Variants in LITAF observed in about 807,000 individuals in gnomAD.
LITAF encodes lipopolysaccharide-induced tumor necrosis factor-alpha factor.
Under a neutral mutation model 14.5 loss-of-function variants are expected in LITAF, and 9 were observed. The ratio of observed to expected loss-of-function variants is 0.62; its 90% CI spans 0.37 to 1.08. The LOEUF is 1.08. Ranked by LOEUF, LITAF falls within the 50% of genes least tolerant of loss-of-function variation. The probability of loss-of-function intolerance (pLI) is 0.01; values close to 1 mark genes in which losing one functional copy is unlikely to be tolerated. For missense variants in LITAF, 206 were observed against 213.4 expected (o/e 0.97, Z 0.22); for synonymous variants, 98 against 88.2 (o/e 1.11, Z -0.62).
chr16:11,567,760 G>A (rs1485377990), intron 1 of LITAF, among the ~76,000 whole-genome samples: 4 of 152,082 alleles, frequency 2.6e-5, no homozygotes, highest in African/African-American at 7.2e-5. Flanking sequence ...CGAGGTGGGC[G>A]GATCACTGGA....
At chr16:11,623,574 C>T (rs567540186) in intron 3 of LITAF, among the ~76,000 whole-genome samples, 24 of 151,938 alleles carry the variant, frequency 1.6e-4, no homozygotes, top group Middle Eastern at 6.8e-3. Flanking sequence ...GCAGGAGAAT[C>T]GCTTGAACCC....
chr16:11,637,255 C>T (rs73513537), upstream of LITAF, among the ~76,000 whole-genome samples: 9,238 of 152,214 alleles, frequency 0.061, 960 homozygotes, highest in African/African-American at 0.21. Context: ...GAAGGGGCCT[C>T]ACAGTAGGTG....
intron 1 of LITAF, among the ~76,000 whole-genome samples, chr16:11,595,537 G>T (rs2064878885): frequency 6.6e-6 from 1 of 152,120 alleles, no homozygotes; most frequent in Non-Finnish European, 1.5e-5. Flanking sequence ...AGACCATCCT[G>T]GCTAACACAG....
In LITAF at chr16:11,553,626, C is replaced by T. The variant is rs927004977; in HGVS notation, c.284G>A (p.Cys95Tyr). 6.2e-7 allele frequency: 1 copy of T among 1,614,156 alleles called. No individual in the cohort carries two copies. The stretch of plus-strand genomic sequence containing the variant: ...GATCATCTTGTTGCAGGAAGGACAA[C>T]ACATTTGGATAGGGCGGTCCAAAAA... ...ITFLDRPIQM[C>Y]CPSCNKMIVS... Residue 95 changes from cysteine to tyrosine, a missense_variant, in exon 3 of 4, where the codon TGT becomes TAT. Cys to Tyr is a radical substitution (Grantham distance 194). Transcript: ENST00000622633. The surrounding 1 kb of genome is among the most constrained non-coding windows in gnomAD (Gnocchi z 7.7).
intron 3 of LITAF, among the ~76,000 whole-genome samples, chr16:11,550,277 T>C (rs985938065): frequency 4.0e-5 from 6 of 151,758 alleles, no homozygotes; most frequent in African/African-American, 1.5e-4. Flanking sequence ...ATTAGGAGAG[T>C]TGGGGTTTCA....
intron 3 of LITAF, among the ~76,000 whole-genome samples, chr16:11,624,389 G>T (rs1221095088): frequency 1.3e-5 from 2 of 152,178 alleles, no homozygotes; most frequent in Non-Finnish European, 2.9e-5. Flanking sequence ...TATGGTTACA[G>T]CAATAGAATT....
intron 1 of LITAF, among the ~76,000 whole-genome samples, chr16:11,573,617 A>G (rs1195937459): frequency 6.6e-6 from 1 of 151,568 alleles, no homozygotes; most frequent in Non-Finnish European, 1.5e-5. Context: ...TGCAATCACC[A>G]CCAAGATATA....
chr16:11,617,168 C>T (rs929812795), intron 3 of LITAF, among the ~76,000 whole-genome samples: 12 of 151,384 alleles, frequency 7.9e-5, no homozygotes, highest in Admixed American at 3.3e-4. Flanking sequence ...TGCAGTGAGC[C>T]GAGCTCACAC....
intron 3 of LITAF, among the ~76,000 whole-genome samples, chr16:11,603,552 G>C (rs2064939407): frequency 6.6e-6 from 1 of 152,206 alleles, no homozygotes; most frequent in Non-Finnish European, 1.5e-5. Context: ...TTTTAGCCTG[G>C]GAATGGCTGG....
intron 1 of LITAF, among the ~76,000 whole-genome samples, chr16:11,577,222 A>C (rs2064651182): frequency 6.6e-6 from 1 of 152,066 alleles, no homozygotes; most frequent in African/African-American, 2.4e-5. Context: ...AGTGCATCTG[A>C]CATCCTTGCA....
At chr16:11,550,414 T>C (rs980032260) in intron 3 of LITAF, among the ~76,000 whole-genome samples, 2 of 152,140 alleles carry the variant, frequency 1.3e-5, no homozygotes, top group East Asian at 3.9e-4. Flanking sequence ...GATTTTGCAC[T>C]TCTGGCCTCT....
chr16:11,570,522 G>A (rs1428675389), intron 1 of LITAF, among the ~76,000 whole-genome samples: 4 of 152,116 alleles, frequency 2.6e-5, no homozygotes, highest in Non-Finnish European at 4.4e-5. Context: ...CAGTGTGGGC[G>A]ACAGAATAAT....
At chr16:11,627,110 G>C (rs1396257062) in intron 3 of LITAF, among the ~76,000 whole-genome samples, 1 of 152,152 alleles carries the variant, frequency 6.6e-6, no homozygotes, top group Admixed American at 6.6e-5. Context: ...AGCCCCAGGG[G>C]CTGTGTCATG....
chr16:11,639,148 G>T (rs998517744), upstream of LITAF, among the ~76,000 whole-genome samples: 4 of 151,908 alleles, frequency 2.6e-5, no homozygotes, highest in African/African-American at 9.7e-5. Context: ...TGCATAGATG[G>T]TCAGAGGTAG....
intron 1 of LITAF, among the ~76,000 whole-genome samples, chr16:11,567,343 C>CCAG (rs1249602295): frequency 6.6e-6 from 1 of 151,758 alleles, no homozygotes; most frequent in Non-Finnish European, 1.5e-5. Context: ...TTGCTTGAGC[C>CCAG]CAGGAGATGG....
At chr16:11,613,535 A>G (rs1422627879) in intron 3 of LITAF, among the ~76,000 whole-genome samples, 2 of 152,178 alleles carry the variant, frequency 1.3e-5, no homozygotes, top group African/African-American at 4.8e-5. Flanking sequence ...TCTTCCCTAG[A>G]ACGGACAACT....
Position 11,558,443 on chromosome 16 carries a change from C to T in LITAF, c.-5-1708G>A, listed in dbSNP as rs1218783125. ...AACAAAAGGGCTGGGTGCAGTGGCT[C>T]ATGCCTGTAATCCCAGTACTTTGGG... On this transcript the variant is annotated intron_variant, in intron 1 of 3. Coordinates refer to ENST00000622633, the MANE Select transcript of LITAF (RefSeq NM_001136472.2). This position sits in a 1 kb window ranked among gnomAD's most constrained non-coding sequence, Gnocchi z 4.1. Among the ~76,000 whole-genome samples, 1 of 152,172 alleles carries T rather than the reference C, an allele frequency of 6.6e-6. No homozygotes were observed. The highest frequency in any genetic ancestry group is 1.9e-4 in the East Asian group (1 of 5,196).
At chr16:11,624,303 A>G (rs892438362) in intron 3 of LITAF, among the ~76,000 whole-genome samples, 3 of 152,114 alleles carry the variant, frequency 2.0e-5, no homozygotes, top group African/African-American at 7.2e-5. Flanking sequence ...ATATTTTCCA[A>G]TAGTTCCAGC....
At chr16:11,551,650 T>G in intron 3 of LITAF, 1 of 591,006 alleles carries the variant, frequency 1.7e-6, no homozygotes, top group Non-Finnish European at 3.0e-6. Flanking sequence ...GTAAAACCCC[T>G]GCTTCCACAC....
Sources: gnomAD v4.1 joint callset for allele counts (sites outside exome capture counted in the v4.1 genomes callset) on GRCh38, gnomAD v4.1.1 for gene constraint, Gnocchi (gnomAD v3.1) non-coding constraint, MANE v1.5 for transcripts, NCBI Gene and HGNC (gene_info 2026-07-23, HGNC 2026-07-21) for gene names.